The following PGLYRP2 variants were observed in gnomAD, a reference collection of about 807,000 sequenced individuals.
PGLYRP2 encodes the protein N-acetylmuramoyl-L-alanine amidase.
A neutral mutation model predicts 46.2 loss-of-function variants in PGLYRP2; 38 were observed. That is an observed-to-expected ratio of 0.82 (90% CI 0.64 to 1.08). The LOEUF (loss-of-function observed/expected upper bound fraction) is 1.08, where lower values mean the gene tolerates loss of function less well. Ranked by LOEUF, PGLYRP2 falls within the 50% of genes least tolerant of loss-of-function variation. The pLI is 0.00. For missense variants in PGLYRP2, 713 were observed against 755.9 expected (o/e 0.94, Z 0.67); for synonymous variants, 289 against 329.4 (o/e 0.88, Z 1.33).
intron 3 of PGLYRP2, among the ~76,000 whole-genome samples, chr19:15,471,113 T>C (rs1970744761): frequency 7.5e-6 from 1 of 133,828 alleles, no homozygotes; most frequent in Non-Finnish European, 1.6e-5. Flanking sequence ...CTTTTTTTTT[T>C]TTTTTTTTTT....
chr19:15,473,015 TA>T lies in PGLYRP2; in HGVS notation c.1133-916del, dbSNP rs1435994892. ...TGGAATGAAATAGAGAACCCAGAAG[TA>T]AAGCTGCACACCTACAAACAATAAT... On this transcript the variant is annotated intron_variant, in intron 2 of 4. Transcript: ENST00000340880. Among the ~76,000 whole-genome samples, 3 of 152,064 alleles carry T rather than the reference TA, an allele frequency of 2.0e-5. No individual in the cohort carries two copies. In the East Asian group the frequency reaches 5.8e-4, roughly 29 times the overall value.
chr19:15,474,120 G>C (rs1279636172), intron 2 of PGLYRP2, among the ~76,000 whole-genome samples: 1 of 152,182 alleles, frequency 6.6e-6, no homozygotes, highest in Non-Finnish European at 1.5e-5. Flanking sequence ...TGGATCACCT[G>C]AGGTTAGGAG....
chr19:15,479,435 G>T lies in PGLYRP2; in HGVS notation c.-64C>A. On this transcript the variant is annotated 5_prime_UTR_variant, in exon 1 of 5. Transcript: ENST00000340880. ...GGCCTCGGCAGAGAACCTCGGCAGT[G>T]CTGGAGGGAGACAGGCACAGAGAAC... The T allele has an allele frequency of 6.7e-7, 1 of 1,493,542 alleles. No individual in the cohort carries two copies. The highest frequency in any genetic ancestry group is 9.2e-7 in the Non-Finnish European group (1 of 1,082,266). 92.5% of individuals were successfully genotyped at this position (1,493,542 alleles called of 1,614,324 possible).
Position 15,469,889 on chromosome 19 carries a change from C to A in PGLYRP2, c.1384G>T (p.Gly462Cys). The A allele has an allele frequency of 2.0e-6, 3 of 1,476,018 alleles. 1 individual carries two copies. In the South Asian group the frequency reaches 4.1e-5, roughly 20 times the overall value. The allele number at this position is 1,476,018 out of a possible 1,614,324, so 91.4% of individuals were successfully genotyped here. A position where few individuals can be genotyped will look rare whatever the true frequency, so the allele number is the denominator to read the frequency against. The change falls in exon 4 of 5, where the codon GGC becomes TGC. Residue 462 changes from glycine to cysteine, a missense_variant. Transcript: ENST00000340880. This position sits in a 1 kb window ranked among gnomAD's most constrained non-coding sequence, Gnocchi z 4.9. Reference protein sequence around the residue: ...GSDGYVYEGRGWHWVGAHTLG... With the variant: ...GSDGYVYEGRCWHWVGAHTLG... ...GTGTGGGCGCCCACCCAGTGCCAGC[C>A]GCGTCCCTCGTACACGTAGCCGTCC...
rs1178919077 is a variant in PGLYRP2, at chr19:15,476,498, G to A, written c.172C>T (p.Pro58Ser). Reference protein sequence around the residue: ...HTASAWLMSAPNSGPHNRLYH... With the variant: ...HTASAWLMSASNSGPHNRLYH... ...AGGCGATTGTGGGGGCCAGAGTTTG[G>A]AGCTGACATCAGCCACGCAGAAGCT... Residue 58 changes from proline (P) to serine (S), a missense_variant, in exon 2 of 5, where the codon CCA becomes TCA. Physicochemically the swap from Pro to Ser is moderately conservative, Grantham distance 74. Coordinates refer to ENST00000340880, the MANE Select transcript of PGLYRP2 (RefSeq NM_052890.4). 6.2e-7 allele frequency: 1 copy of A among 1,614,146 alleles called. No homozygotes were observed. Among genetic ancestry groups the A allele is most frequent in the East Asian group, 2.2e-5 (1 of 44,872 alleles).
chr19:15,471,002 C>G (rs376273230), intron 3 of PGLYRP2, among the ~76,000 whole-genome samples: 3 of 151,224 alleles, frequency 2.0e-5, no homozygotes, highest in Admixed American at 1.3e-4. Flanking sequence ...TGCAGAGATG[C>G]GATCATAACT....
In PGLYRP2 at chr19:15,475,884, G is replaced by T; in HGVS notation, c.786C>A (p.Asp262Glu). 3.1e-6 allele frequency: 5 copies of T among 1,614,134 alleles called. No homozygotes were observed. Among genetic ancestry groups the T allele is most frequent in the Non-Finnish European group, 4.2e-6 (5 of 1,180,028 alleles). ...CCATGGTTAACAGAGATGCCTTGGG[G>T]TCCAAAAGCGTAAAGGTCCGAGGGG... Reference protein sequence around the residue: ...LSAPRTFTLLDPKASLLTMAF... With the variant: ...LSAPRTFTLLEPKASLLTMAF... The change falls in exon 2 of 5, where the codon GAC becomes GAA. Residue 262 changes from aspartate to glutamate, a missense_variant. Physicochemically the swap from Asp to Glu is conservative, Grantham distance 45. Transcript: ENST00000340880.
In PGLYRP2 at chr19:15,469,536, G is replaced by T; in HGVS notation, c.1641+96C>A. 1 of 1,490,068 alleles carries T rather than the reference G, an allele frequency of 6.7e-7. No homozygotes were observed. The highest frequency in any genetic ancestry group is 9.1e-7 in the Non-Finnish European group (1 of 1,103,392). 92.3% of individuals were successfully genotyped at this position (1,490,068 alleles called of 1,614,324 possible). On this transcript the variant is annotated intron_variant, in intron 4 of 4. Coordinates refer to ENST00000340880, the MANE Select transcript of PGLYRP2 (RefSeq NM_052890.4). This position sits in a 1 kb window ranked among gnomAD's most constrained non-coding sequence, Gnocchi z 4.9. ...AAGTTGGGGGCCTGGCTGAGGCTGT[G>T]CGGGCACAGCTGTTACAGGCAGGGG...
At position 15,471,948 on chromosome 19, in the gene PGLYRP2, T is replaced by C. The variant is rs375133309; in HGVS notation, c.1285A>G (p.Met429Val). 6.2e-7 allele frequency: 1 copy of C among 1,613,922 alleles called. No homozygotes were observed. The highest frequency in any genetic ancestry group is 8.5e-7 in the Non-Finnish European group (1 of 1,179,944). Residue 429 changes from methionine to valine, a missense_variant, in exon 3 of 5, where the codon ATG becomes GTG. By Grantham distance (21) the Met-to-Val change is conservative. Coordinates refer to ENST00000340880, the MANE Select transcript of PGLYRP2 (RefSeq NM_052890.4). ...CTDFTRCAAN[M>V]RSMQRYHQDT... The stretch of plus-strand genomic sequence containing the variant: ...TGGTGGTAGCGCTGCATGGAGCGCA[T>C]GTTGGCTGCGCAGCGCGTGAAGTCC...
chr19:15,470,041 C>A lies in PGLYRP2; in HGVS notation c.1344-112G>T, dbSNP rs1421866179. On this transcript the variant is annotated intron_variant, in intron 3 of 4. Coordinates refer to ENST00000340880, the MANE Select transcript of PGLYRP2 (RefSeq NM_052890.4). ...GCCAAGGGCCACCGACCCCAAGACC[C>A]GCGCGGTCGCGCTGCCTGTGTCCCA... is the stretch of plus-strand genomic sequence containing the variant. The A allele has an allele frequency of 2.6e-6, 3 of 1,141,358 alleles. No individual in the cohort carries two copies. The African/African-American group carries it at 4.9e-5, about 19-fold the overall frequency. 70.7% of individuals were successfully genotyped at this position (1,141,358 alleles called of 1,614,324 possible). A position where few individuals can be genotyped will look rare whatever the true frequency, so the allele number is the denominator to read the frequency against.
Position 15,469,458 on chromosome 19 carries a change from A to C in PGLYRP2, c.1641+174T>G. Reference sequence around the variant, plus strand: ...TCACAGGATCAGGGATGTTGCCCGCAGAGTGACCCGCAAAGGCTGGGCCTA... The same window carrying C: ...TCACAGGATCAGGGATGTTGCCCGCCGAGTGACCCGCAAAGGCTGGGCCTA... On this transcript the variant is annotated intron_variant, in intron 4 of 4. Coordinates refer to ENST00000340880, the MANE Select transcript of PGLYRP2 (RefSeq NM_052890.4). This position sits in a 1 kb window ranked among gnomAD's most constrained non-coding sequence, Gnocchi z 4.9. The C allele has an allele frequency of 2.2e-6, 2 of 910,868 alleles. No individual in the cohort carries two copies. The highest frequency in any genetic ancestry group is 1.4e-5 in the South Asian group (1 of 71,716). 56.4% of individuals were successfully genotyped at this position (910,868 alleles called of 1,614,324 possible). A position where few individuals can be genotyped will look rare whatever the true frequency, so the allele number is the denominator to read the frequency against.
Position 15,476,169 on chromosome 19 carries a change from G to A in PGLYRP2, c.501C>T (p.Ala167=), listed in dbSNP as rs777315963. The A allele has an allele frequency of 6.2e-7, 1 of 1,614,020 alleles. No homozygotes were observed. The highest frequency in any genetic ancestry group is 1.3e-5 in the African/African-American group (1 of 74,914). The change falls in exon 2 of 5, where the codon GCC becomes GCT. Residue 167 remains alanine, a synonymous_variant. Coordinates refer to ENST00000340880, the MANE Select transcript of PGLYRP2 (RefSeq NM_052890.4). The stretch of plus-strand genomic sequence containing the variant: ...CATCCCTGAGTCCTGGGGAGGAGGT[G>A]GCTCTTACATCTGGAGCAATGGCCA... The part of the protein sequence containing the change: ...DVVAIAPDVR[A]TSSPGLRDGS...
rs1464047311 is a variant in PGLYRP2 at position 15,469,872 on chromosome 19, G to A, written c.1401C>T (p.Gly467=). The change falls in exon 4 of 5, where the codon GGC becomes GGT. Residue 467 remains glycine (G), a synonymous_variant. Coordinates refer to ENST00000340880, the MANE Select transcript of PGLYRP2 (RefSeq NM_052890.4). The surrounding 1 kb of genome is among the most constrained non-coding windows in gnomAD (Gnocchi z 4.9). ...VYEGRGWHWV[G]AHTLGHNSRG... Reference sequence around the variant, plus strand: ...GGGAGTTGTGGCCGAGCGTGTGGGCGCCCACCCAGTGCCAGCCGCGTCCCT... The same window carrying A: ...GGGAGTTGTGGCCGAGCGTGTGGGCACCCACCCAGTGCCAGCCGCGTCCCT... 12 of 1,495,442 alleles carry A rather than the reference G, an allele frequency of 8.0e-6. No individual in the cohort carries two copies. In the South Asian group the frequency reaches 1.3e-4, roughly 16 times the overall value. The allele number at this position is 1,495,442 out of a possible 1,614,324, so 92.6% of individuals were successfully genotyped here.
rs201408824 is a variant in PGLYRP2, at chr19:15,469,591, G to C, written c.1641+41C>G. On this transcript the variant is annotated intron_variant, in intron 4 of 4. Coordinates refer to ENST00000340880, the MANE Select transcript of PGLYRP2 (RefSeq NM_052890.4). The surrounding 1 kb of genome is among the most constrained non-coding windows in gnomAD (Gnocchi z 4.9). ...GGGCCTCGTGGAGCTTGTGTAGACGGAGGGGCGGCGGGCCGTGTAGTGCAG... is the reference window on the plus strand; with the variant it reads ...GGGCCTCGTGGAGCTTGTGTAGACGCAGGGGCGGCGGGCCGTGTAGTGCAG... 510 of 1,558,026 alleles carry C rather than the reference G, an allele frequency of 3.3e-4. 1 individual carries two copies. The African/African-American group carries it at 6.2e-3, about 19-fold the overall frequency.
chr19:15,468,777 G>A (rs1783476532), intron 4 of PGLYRP2, 25 bp from the exon 5 acceptor site: 1 of 1,583,224 alleles, frequency 6.3e-7, no homozygotes. Flanking sequence ...GGGAGTGTGA[G>A]GCTTGGGGGT....
chr19:15,472,160 C>G, intron 2 of PGLYRP2, 60 bp from the exon 3 acceptor site: 1 of 1,426,374 alleles, frequency 7.0e-7, no homozygotes, highest in Non-Finnish European at 9.5e-7. Context: ...GTTCCTCCAC[C>G]CGCATTAAAG....
chr19:15,470,963 G>A (rs76570426), intron 3 of PGLYRP2, among the ~76,000 whole-genome samples: 1 of 151,608 alleles, frequency 6.6e-6, no homozygotes, highest in Non-Finnish European at 1.5e-5. Flanking sequence ...TTTTCGAGAC[G>A]GGTTCTCGCT....
At chr19:15,470,296 CTTT>C (rs1475688865) in intron 3 of PGLYRP2, among the ~76,000 whole-genome samples, 91 of 135,586 alleles carry the variant, frequency 6.7e-4, no homozygotes, top group Non-Finnish European at 1.0e-3. Context: ...TTCCTTCCTT[CTTT>C]CTTTCTTTCT....
At chr19:15,470,555 C>T (rs1970738884) in intron 3 of PGLYRP2, among the ~76,000 whole-genome samples, 1 of 151,956 alleles carries the variant, frequency 6.6e-6, no homozygotes, top group South Asian at 2.1e-4. Context: ...TATCTGCCCT[C>T]CTCGGCCTCC....
Sources: allele counts gnomAD v4.1 joint callset (sites outside exome capture counted in the v4.1 genomes callset), GRCh38; gene constraint gnomAD v4.1.1; non-coding constraint Gnocchi (gnomAD v3.1); transcripts MANE v1.5; gene names NCBI Gene and HGNC (gene_info 2026-07-23, HGNC 2026-07-21).